Variants in STAM2 observed in about 807,000 individuals in gnomAD.
STAM2 encodes the protein signal transducing adaptor molecule 2, also known as signal transducing adapter molecule 2.
Under a neutral mutation model 65.6 loss-of-function variants are expected in STAM2, and 51 were observed. The ratio of observed to expected loss-of-function variants is 0.78; its 90% CI spans 0.62 to 0.98. The LOEUF is 0.98. Ranked by LOEUF, STAM2 falls within the 50% of genes least tolerant of loss-of-function variation. The pLI is 0.00. For synonymous variants in STAM2, 198 were observed against 208.4 expected, an observed-to-expected ratio of 0.95 and a Z score of 0.43; for missense variants, 584 against 617.8, an observed-to-expected ratio of 0.95 and a Z score of 0.58.
chr2:152,125,568 C>T (rs1688949541), intron 12 of STAM2, among the ~76,000 whole-genome samples: 1 of 152,102 alleles, frequency 6.6e-6, no homozygotes, highest in Non-Finnish European at 1.5e-5. Context: ...CTTCACATGG[C>T]AAGCACACAA....
chr2:152,158,031 C>T (rs1243218052), intron 1 of STAM2, among the ~76,000 whole-genome samples: 2 of 152,148 alleles, frequency 1.3e-5, no homozygotes, highest in African/African-American at 4.8e-5. Flanking sequence ...AAATAGATGT[C>T]AGCATAACCC....
intron 8 of STAM2, 118 bp downstream of exon 8, chr2:152,135,391 T>C (rs942414495): frequency 4.1e-6 from 3 of 726,608 alleles, no homozygotes; most frequent in Non-Finnish European, 7.0e-6. Flanking sequence ...GTCATGCCTA[T>C]AAAGAAATGA....
chr2:152,126,901 G>T (rs1330883650), intron 11 of STAM2, among the ~76,000 whole-genome samples: 2 of 152,130 alleles, frequency 1.3e-5, no homozygotes, highest in Non-Finnish European at 2.9e-5. Flanking sequence ...CTTCACCCTA[G>T]CCTCTGATTG....
chr2:152,172,219 A>C (rs747509149), intron 1 of STAM2, among the ~76,000 whole-genome samples: 1 of 152,206 alleles, frequency 6.6e-6, no homozygotes, highest in Non-Finnish European at 1.5e-5. Context: ...ATGTTTAAAG[A>C]GTTCTAACAC....
At chr2:152,126,157 A>G in intron 12 of STAM2, 69 bp downstream of exon 12, 2 of 1,326,130 alleles carry the variant, frequency 1.5e-6, no homozygotes, top group Non-Finnish European at 2.0e-6. Context: ...ATACTATGCT[A>G]TAAAACATTT....
chr2:152,150,273 T>C (rs774884825), intron 1 of STAM2, 44 bp from the exon 2 acceptor site: 9 of 1,258,914 alleles, frequency 7.1e-6, no homozygotes, highest in Non-Finnish European at 1.0e-5. Context: ...ACACATCTCA[T>C]ATAACACTAA....
At chr2:152,141,949 CTTCT>C (rs1480429331) in intron 7 of STAM2, among the ~76,000 whole-genome samples, 146 of 152,248 alleles carry the variant, frequency 9.6e-4, no homozygotes, top group East Asian at 9.5e-3. Context: ...CTTCAAGGGA[CTTCT>C]GTGTGTGAAA....
At chr2:152,142,401 A>G (rs550972890) in intron 7 of STAM2, among the ~76,000 whole-genome samples, 1 of 152,332 alleles carries the variant, frequency 6.6e-6, no homozygotes, top group African/African-American at 2.4e-5. Context: ...TAGTTGTATA[A>G]GAGTATCAAA....
At chr2:152,155,390 C>A (rs1689523909) in intron 1 of STAM2, among the ~76,000 whole-genome samples, 1 of 152,230 alleles carries the variant, frequency 6.6e-6, no homozygotes, top group Admixed American at 6.5e-5. Flanking sequence ...CAAAGCTTCA[C>A]TGCTGAGCAT....
rs995174463 is a variant in STAM2, at chr2:152,125,399, T to C, written c.1179+827A>G. On this transcript the variant is annotated intron_variant, in intron 12 of 13. Coordinates refer to ENST00000263904, the MANE Select transcript of STAM2 (RefSeq NM_005843.6). ...TAAATTATGCACCCACATTCTACCC[T>C]TTCTCCTTGGTGTCTCCTTCACATG... Among the ~76,000 whole-genome samples, 7 of 152,236 alleles carry C rather than the reference T, an allele frequency of 4.6e-5. No homozygotes were observed. In the East Asian group the frequency reaches 1.3e-3, roughly 29 times the overall value.
chr2:152,160,413 C>T (rs545591348), intron 1 of STAM2, among the ~76,000 whole-genome samples: 78 of 151,888 alleles, frequency 5.1e-4, no homozygotes, highest in South Asian at 1.2e-3. Flanking sequence ...CGTCTCTGCC[C>T]GGCCGCCCCA....
chr2:152,148,238 A>G lies in STAM2; in HGVS notation c.188T>C (p.Leu63Pro), dbSNP rs868270791. 1 of 1,611,134 alleles carries G rather than the reference A, an allele frequency of 6.2e-7. No homozygotes were observed. Among genetic ancestry groups the G allele is most frequent in the Non-Finnish European group, 8.5e-7 (1 of 1,178,788 alleles). The change falls in exon 3 of 14, where the codon CTG (leucine) becomes CCG (proline). Residue 63 changes from leucine to proline, a missense_variant. Coordinates refer to ENST00000263904, the MANE Select transcript of STAM2 (RefSeq NM_005843.6). Reference protein sequence around the residue: ...RVNHKVPHVALQALTLLGACV... With the variant: ...RVNHKVPHVAPQALTLLGACV... ...CCTTGTACTCACAGTTAGTGCTTGC[A>G]GAGCAACATGTGGAACCTTATGATT...
At chr2:152,163,958 G>A (rs1015988723) in intron 1 of STAM2, among the ~76,000 whole-genome samples, 1 of 151,696 alleles carries the variant, frequency 6.6e-6, no homozygotes, top group African/African-American at 2.4e-5. Flanking sequence ...GCTGAACACA[G>A]ACCCTCATCA....
At chr2:152,139,580 A>G (rs1366352733) in intron 7 of STAM2, among the ~76,000 whole-genome samples, 4 of 152,182 alleles carry the variant, frequency 2.6e-5, no homozygotes, top group African/African-American at 7.2e-5. Context: ...AAACAAGAAA[A>G]AAAAATCTAG....
In STAM2 at chr2:152,175,643, C is replaced by G; in HGVS notation, c.-1G>C. On this transcript the variant is annotated 5_prime_UTR_variant, in exon 1 of 14. Transcript: ENST00000263904. ...AGGGGTTGGCGGTGAACAAAGGCATCTCGCCGGCGCCCGAGCCCTAGTCGC... is the reference window on the plus strand; with the variant it reads ...AGGGGTTGGCGGTGAACAAAGGCATGTCGCCGGCGCCCGAGCCCTAGTCGC... The G allele has an allele frequency of 6.2e-7, 1 of 1,612,828 alleles. No individual in the cohort carries two copies. Among genetic ancestry groups the G allele is most frequent in the Non-Finnish European group, 8.5e-7 (1 of 1,179,506 alleles).
intron 1 of STAM2, among the ~76,000 whole-genome samples, chr2:152,153,638 T>C (rs1197197933): frequency 6.6e-6 from 1 of 152,180 alleles, no homozygotes; most frequent in Admixed American, 6.5e-5. Flanking sequence ...AGGCACCAAA[T>C]GCTACGCAGG....
In STAM2 at chr2:152,174,009, C is replaced by T. The variant is rs532962368; in HGVS notation, c.40+1594G>A. On this transcript the variant is annotated intron_variant, in intron 1 of 13. Transcript: ENST00000263904. ...TTTTGTTTGTTTGTTTTTTTAATCT[C>T]AACAGCAGTGCCTCCTTTACAACTG... 2.0e-5 allele frequency among the ~76,000 whole-genome samples: 3 copies of T among 152,142 alleles called. No homozygotes were observed. In the South Asian group the frequency reaches 6.2e-4, roughly 32 times the overall value.
intron 1 of STAM2, among the ~76,000 whole-genome samples, chr2:152,153,264 G>C (rs1440148100): frequency 6.6e-6 from 1 of 151,564 alleles, no homozygotes. Flanking sequence ...TATATACCTT[G>C]TAATTTCAAA....
chr2:152,168,246 T>G (rs1560225461), intron 1 of STAM2, among the ~76,000 whole-genome samples: 1 of 151,984 alleles, frequency 6.6e-6, no homozygotes, highest in Admixed American at 6.6e-5. Context: ...CTGCAACCTC[T>G]GCCTCCCGGG....
Sources: gnomAD v4.1 joint callset for allele counts (sites outside exome capture counted in the v4.1 genomes callset) on GRCh38, gnomAD v4.1.1 for gene constraint, MANE v1.5 for transcripts, NCBI Gene and HGNC (gene_info 2026-07-23, HGNC 2026-07-21) for gene names.